The following MAX variants were observed in gnomAD, a reference collection of about 807,000 sequenced individuals.
MAX encodes the protein protein max.
In MAX, 3 loss-of-function variants were observed where a neutral mutation model predicts 22.3. The observed-to-expected ratio is 0.13, with a 90% CI of 0.06 to 0.35. The LOEUF (loss-of-function observed/expected upper bound fraction) is 0.35. MAX is among the 10% of genes least tolerant of loss of function. MAX has a pLI of 1.00. For missense variants in MAX, 119 were observed against 209.4 expected, an observed-to-expected ratio of 0.57 and a Z score of 2.66; for synonymous variants, 72 against 77.7, an observed-to-expected ratio of 0.93 and a Z score of 0.39.
At position 65,077,318 on chromosome 14, in the gene MAX, GT is replaced by G; in HGVS notation, c.295+594del. On this transcript the variant is annotated intron_variant, in intron 4 of 4. Coordinates refer to ENST00000358664, the MANE Select transcript of MAX (RefSeq NM_002382.5). This position sits in a 1 kb window ranked among gnomAD's most constrained non-coding sequence, Gnocchi z 6.3. Reference sequence around the variant, plus strand: ...TTTATTTTATTTTATTTTATTTGAGGTTTTCTAACCCAGGTGGTTACTTGCA... The same window carrying G: ...TTTATTTTATTTTATTTTATTTGAGGTTTCTAACCCAGGTGGTTACTTGCA... 2.0e-6 allele frequency: 3 copies of G among 1,529,896 alleles called. No homozygotes were observed. Among genetic ancestry groups the G allele is most frequent in the Non-Finnish European group, 2.7e-6 (3 of 1,104,754 alleles). The allele number at this position is 1,529,896 out of a possible 1,614,324, so 94.8% of individuals were successfully genotyped here.
intron 3 of MAX, among the ~76,000 whole-genome samples, chr14:65,087,172 A>G (rs577889928): frequency 1.3e-5 from 2 of 152,338 alleles, no homozygotes; most frequent in African/African-American, 2.4e-5. Context: ...CTGTATGTCC[A>G]GGGAGAAGTT....
At chr14:65,083,208 C>A (rs567988262) in intron 3 of MAX, among the ~76,000 whole-genome samples, 1 of 152,270 alleles carries the variant, frequency 6.6e-6, no homozygotes, top group South Asian at 2.1e-4. Flanking sequence ...CACTGTCAGA[C>A]CTCTGCTTTT....
intron 3 of MAX, among the ~76,000 whole-genome samples, chr14:65,063,693 T>A (rs1362411112): frequency 6.6e-6 from 1 of 152,096 alleles, no homozygotes; most frequent in Non-Finnish European, 1.5e-5. Flanking sequence ...GCCTCCCAAG[T>A]AGCTAGGACC....
chr14:65,026,774 A>G lies in MAX; in HGVS notation c.172-20490T>C, dbSNP rs2061989630. Among the ~76,000 whole-genome samples the G allele has an allele frequency of 2.0e-5, 3 of 151,932 alleles. No individual in the cohort carries two copies. The South Asian group carries it at 6.2e-4, about 32-fold the overall frequency. Reference sequence around the variant, plus strand: ...CTACTTGGAAGGGTGAGGCAAAAGAATCTCTTGAACCTGGGAGACGGATGC... The same window carrying G: ...CTACTTGGAAGGGTGAGGCAAAAGAGTCTCTTGAACCTGGGAGACGGATGC... On this transcript the variant is annotated intron_variant, in intron 3 of 3. Coordinates refer to the MAX transcript ENST00000341653.
rs2063103739 is a variant in MAX at position 65,077,942 on chromosome 14, T to C, written c.266A>G (p.Lys89Arg). The change falls in exon 4 of 5, where the codon AAG (lysine) becomes AGG (arginine). Residue 89 changes from lysine to arginine, a missense_variant. Transcript: ENST00000358664. The surrounding 1 kb of genome is among the most constrained non-coding windows in gnomAD (Gnocchi z 6.3). ...HTHQQDIDDL[K>R]RQNALLEQQV... ...CTGCTCCAGAAGAGCATTCTGCCGC[T>C]TGAGGTCGTCAATATCTTGCTGGTG... 6.2e-7 allele frequency: 1 copy of C among 1,614,244 alleles called. No homozygotes were observed. The highest frequency in any genetic ancestry group is 1.3e-5 in the African/African-American group (1 of 75,064).
In MAX at chr14:65,044,303, C is replaced by T; in HGVS notation, c.172-38019G>A. On this transcript the variant is annotated intron_variant, in intron 3 of 3. Transcript: ENST00000341653. The surrounding 1 kb of genome is among the most constrained non-coding windows in gnomAD (Gnocchi z 5.5). ...CTACAACTGCCTTTCCCATCTGTGT[C>T]TCCTCAGCAATGGGTGACAAGCCGG... The T allele has an allele frequency of 6.2e-7, 1 of 1,612,630 alleles. No individual in the cohort carries two copies. The highest frequency in any genetic ancestry group is 8.5e-7 in the Non-Finnish European group (1 of 1,179,454).
rs1248302844 is a variant in MAX, at chr14:65,029,376, G to GA, written c.172-23093dup. On this transcript the variant is annotated intron_variant, in intron 3 of 3. Transcript: ENST00000341653. This position sits in a 1 kb window ranked among gnomAD's most constrained non-coding sequence, Gnocchi z 4.7. ...ACTTGGAGAAAAGCAGCAGTGATGG[G>GA]AGAGTTTGACATCTGGAGACTAGCT... 3.9e-5 allele frequency among the ~76,000 whole-genome samples: 6 copies of GA among 152,204 alleles called. No individual in the cohort carries two copies. The highest frequency in any genetic ancestry group is 8.8e-5 in the Non-Finnish European group (6 of 68,046).
At chr14:65,092,639 C>T (rs993741814) in intron 3 of MAX, among the ~76,000 whole-genome samples, 8 of 152,148 alleles carry the variant, frequency 5.3e-5, no homozygotes, top group Non-Finnish European at 1.0e-4. Flanking sequence ...TGTACATGGC[C>T]TGTTTTGTTC....
chr14:65,058,562 C>T (rs2062793943), intron 3 of MAX, among the ~76,000 whole-genome samples: 2 of 152,122 alleles, frequency 1.3e-5, no homozygotes, highest in African/African-American at 2.4e-5. Flanking sequence ...CTTTTTATAA[C>T]CTGATCATTA....
At chr14:65,052,812 A>C (rs2139672917) in intron 3 of MAX, among the ~76,000 whole-genome samples, 1 of 152,326 alleles carries the variant, frequency 6.6e-6, no homozygotes, top group Non-Finnish European at 1.5e-5. Context: ...GAGTTCTCTG[A>C]GCTAATCAGT....
In MAX at chr14:65,009,514, C is replaced by G. The variant is rs1334144157; in HGVS notation, c.172-3230G>C. Among the ~76,000 whole-genome samples, 1 of 152,116 alleles carries G rather than the reference C, an allele frequency of 6.6e-6. No individual in the cohort carries two copies. Among genetic ancestry groups the G allele is most frequent in the Non-Finnish European group, 1.5e-5 (1 of 68,016 alleles). On this transcript the variant is annotated intron_variant, in intron 3 of 3. Transcript: ENST00000341653. This position sits in a 1 kb window ranked among gnomAD's most constrained non-coding sequence, Gnocchi z 4.2. The stretch of plus-strand genomic sequence containing the variant: ...GTTTCCTTCTTCCCACATCAGAGAC[C>G]TATATTTCGCTAGCTTCGTACCCAT...
chr14:65,101,293 A>T (rs2063824136), intron 2 of MAX, among the ~76,000 whole-genome samples: 1 of 152,206 alleles, frequency 6.6e-6, no homozygotes, highest in Non-Finnish European at 1.5e-5. Context: ...TCTGAAAACT[A>T]CAGAACAATT....
At position 65,032,586 on chromosome 14, in the gene MAX, T is replaced by C; in HGVS notation, c.172-26302A>G. ...ATTAGCTCTTCCGTAGAGCTTAATG[T>C]GTTTCCCGTTTCTGTCTTTCCAGAA... On this transcript the variant is annotated intron_variant, in intron 3 of 3. Transcript: ENST00000341653. The surrounding 1 kb of genome is among the most constrained non-coding windows in gnomAD (Gnocchi z 5.0). 3 of 1,611,620 alleles carry C rather than the reference T, an allele frequency of 1.9e-6. No individual in the cohort carries two copies. The highest frequency in any genetic ancestry group is 1.7e-5 in the Admixed American group (1 of 59,628).
chr14:65,042,431 C>CT (rs1272661791), intron 3 of MAX, among the ~76,000 whole-genome samples: 1 of 152,188 alleles, frequency 6.6e-6, no homozygotes, highest in Admixed American at 6.5e-5. Context: ...ACCTAGAAGC[C>CT]TGGCATACAC....
intron 3 of MAX, chr14:65,015,777 TTGTTTTGTTTC>T (rs1389935817): frequency 7.6e-6 from 12 of 1,577,520 alleles, no homozygotes; most frequent in East Asian, 4.5e-5. Context: ...GTTTGGGATT[TTGTTTTGTTTC>T]TGTTTTGTTT....
chr14:65,093,885 C>A lies in MAX; in HGVS notation c.64-70G>T, dbSNP rs1226398556. ...TGCTTGGTACAAGGTGGGTGGGGTA[C>A]AGCCTGGAAGTACACGCTGTCAGCA... On this transcript the variant is annotated intron_variant, in intron 2 of 4. Coordinates refer to ENST00000358664, the MANE Select transcript of MAX (RefSeq NM_002382.5). The surrounding 1 kb of genome is among the most constrained non-coding windows in gnomAD (Gnocchi z 4.4). 1 of 921,014 alleles carries A rather than the reference C, an allele frequency of 1.1e-6. No homozygotes were observed. The allele number at this position is 921,014 out of a possible 1,614,324, so 57.1% of individuals were successfully genotyped here.
At chr14:65,038,508 A>G (rs2062267013) in intron 3 of MAX, among the ~76,000 whole-genome samples, 1 of 152,048 alleles carries the variant, frequency 6.6e-6, no homozygotes. Flanking sequence ...TCACGAGGTC[A>G]GGAGTTCGAA....
Position 65,056,540 on chromosome 14 carries a change from TG to T in MAX, c.171+37167del, listed in dbSNP as rs552150052. On this transcript the variant is annotated intron_variant, in intron 3 of 3. Transcript: ENST00000341653. ...TTTTGCCAATTTGATGGGTGTGAAG[TG>T]GTATTTGTTTGATTTTGTGTTTTCC... 2.4e-3 allele frequency among the ~76,000 whole-genome samples: 368 copies of T among 152,202 alleles called. 1 individual carries two copies. The highest frequency in any genetic ancestry group is 4.1e-3 in the Non-Finnish European group (281 of 68,014).
At chr14:65,048,683 T>A (rs985493011) in intron 3 of MAX, among the ~76,000 whole-genome samples, 5 of 152,012 alleles carry the variant, frequency 3.3e-5, no homozygotes, top group Middle Eastern at 3.2e-3. Context: ...TGAGAGCTTG[T>A]CTCTACAAAA....
Sources: allele counts gnomAD v4.1 joint callset (sites outside exome capture counted in the v4.1 genomes callset), GRCh38; gene constraint gnomAD v4.1.1; non-coding constraint Gnocchi (gnomAD v3.1); transcripts MANE v1.5; gene names NCBI Gene and HGNC (gene_info 2026-07-23, HGNC 2026-07-21).